Variants in ANK3 observed in about 807,000 individuals in gnomAD.
ANK3 encodes the protein ankyrin 3, also known as ankyrin-3.
In ANK3, 57 loss-of-function variants were observed where a neutral mutation model predicts 370.9. That is an observed-to-expected ratio of 0.15 (90% confidence interval 0.12 to 0.19). The LOEUF is 0.19. Ranked by LOEUF, ANK3 falls within the 10% of genes least tolerant of loss-of-function variation. The pLI is 1.00. For synonymous variants in ANK3, 1,929 were observed against 1,946.3 expected (o/e 0.99, Z 0.23); for missense variants, 4,439 against 5,302.1 (o/e 0.84, Z 5.06).
chr10:60,310,330 C>T (rs192243283), intron 1 of ANK3, among the ~76,000 whole-genome samples: 196 of 152,278 alleles, frequency 1.3e-3, no homozygotes, highest in Admixed American at 3.3e-3. Flanking sequence ...AATTGCAGTG[C>T]TTTTATTCCA....
At chr10:60,655,065 C>T (rs189586657) in intron 1 of ANK3, among the ~76,000 whole-genome samples, 103 of 152,260 alleles carry the variant, frequency 6.8e-4, no homozygotes, top group Non-Finnish European at 5.7e-4. Context: ...AGCTACTGTG[C>T]TGCCAGTCAT....
intron 1 of ANK3, among the ~76,000 whole-genome samples, chr10:60,287,923 T>C (rs963894051): frequency 1.3e-5 from 2 of 152,162 alleles, no homozygotes; most frequent in African/African-American, 4.8e-5. Context: ...TTATACCATA[T>C]CTCATTTGTT....
intron 1 of ANK3, among the ~76,000 whole-genome samples, chr10:60,691,772 T>A (rs954510292): frequency 1.2e-4 from 19 of 152,218 alleles, no homozygotes; most frequent in Admixed American, 9.8e-4. Flanking sequence ...CCCTGGGCTT[T>A]CACCTGCTCT....
chr10:60,582,279 T>G (rs4948262), intron 2 of ANK3, among the ~76,000 whole-genome samples: 143,612 of 152,062 alleles, frequency 0.94, 67,799 homozygotes, highest in East Asian at 0.98. Flanking sequence ...ATAATAATAA[T>G]AAGAAGAAAA....
At chr10:60,610,623 A>G (rs1433160070) in intron 2 of ANK3, among the ~76,000 whole-genome samples, 1 of 151,772 alleles carries the variant, frequency 6.6e-6, no homozygotes, top group Non-Finnish European at 1.5e-5. Context: ...CCCAAACTTG[A>G]AGAGATCACT....
At chr10:60,446,171 T>A (rs1263344474) in intron 2 of ANK3, among the ~76,000 whole-genome samples, 1 of 152,186 alleles carries the variant, frequency 6.6e-6, no homozygotes, top group Non-Finnish European at 1.5e-5. Flanking sequence ...GGATTTTGTC[T>A]TTCTCAACCA....
At chr10:60,518,604 C>A (rs552015105) in intron 2 of ANK3, among the ~76,000 whole-genome samples, 1 of 152,106 alleles carries the variant, frequency 6.6e-6, no homozygotes, top group Non-Finnish European at 1.5e-5. Context: ...TACTCAGAAG[C>A]GTAGCTGACT....
At chr10:60,299,130 C>G (rs1265661717) in intron 1 of ANK3, among the ~76,000 whole-genome samples, 1 of 152,108 alleles carries the variant, frequency 6.6e-6, no homozygotes, top group East Asian at 1.9e-4. Flanking sequence ...AAAGATTACC[C>G]TTAAAAACTC....
intron 24 of ANK3, among the ~76,000 whole-genome samples, chr10:60,136,335 T>G (rs1384845679): frequency 6.6e-6 from 1 of 152,168 alleles, no homozygotes; most frequent in African/African-American, 2.4e-5. Flanking sequence ...TTAATTTAAG[T>G]AACTATAGGT....
intron 16 of ANK3, among the ~76,000 whole-genome samples, chr10:60,188,206 T>C (rs755537228): frequency 1.1e-4 from 17 of 152,200 alleles, no homozygotes; most frequent in Non-Finnish European, 2.1e-4. Flanking sequence ...GGCATCCTTT[T>C]CTTGGCTGAC....
chr10:60,060,089 C>T, intron 40 of ANK3: 1 of 1,063,126 alleles, frequency 9.4e-7, no homozygotes, highest in Non-Finnish European at 1.3e-6. Context: ...AAAATTATAT[C>T]AGGCATGAAA....
intron 2 of ANK3, among the ~76,000 whole-genome samples, chr10:60,520,050 A>G (rs1341700674): frequency 6.6e-6 from 1 of 152,146 alleles, no homozygotes; most frequent in Non-Finnish European, 1.5e-5. Flanking sequence ...AGGTCTGTTG[A>G]TGTAAAATTC....
intron 8 of ANK3, 74 bp downstream of exon 8, chr10:60,234,614 G>T: frequency 1.2e-6 from 1 of 857,854 alleles, no homozygotes; most frequent in Non-Finnish European, 2.0e-6. Flanking sequence ...TGTTGTATCA[G>T]TGCAAAGGTA....
rs114600733 is a variant in ANK3 at position 60,581,734 on chromosome 10, G to A, written c.96+33452C>T. 5.7e-3 allele frequency among the ~76,000 whole-genome samples: 861 copies of A among 152,058 alleles called. 10 individuals are homozygous for A. The highest frequency in any genetic ancestry group is 0.02 in the African/African-American group (810 of 41,482). ...ATTACAGGCATGAGCCACAGTGCCC[G>A]GCCATTTTGCCCATTTTTTAATCAG... On this transcript the variant is annotated intron_variant, in intron 2 of 43. Coordinates refer to the ANK3 transcript ENST00000373827.
At chr10:60,479,759 C>T (rs553761035) in intron 2 of ANK3, among the ~76,000 whole-genome samples, 2 of 152,052 alleles carry the variant, frequency 1.3e-5, no homozygotes, top group East Asian at 3.9e-4. Context: ...TCGAAATCAT[C>T]CTTCAAGGTT....
chr10:60,336,062 T>C (rs140526928), intron 1 of ANK3, among the ~76,000 whole-genome samples: 1,939 of 151,692 alleles, frequency 0.013, 38 homozygotes, highest in African/African-American at 0.044. Context: ...ACTGGTGCAT[T>C]ATTGAGAGGA....
chr10:60,064,072 T>C (rs996614527), intron 39 of ANK3, 85 bp downstream of exon 39: 1 of 1,276,788 alleles, frequency 7.8e-7, no homozygotes, highest in African/African-American at 1.5e-5. Context: ...ATTACAACAC[T>C]ACTTGGATGA....
chr10:60,074,184 C>A lies in ANK3; in HGVS notation c.6697G>T (p.Val2233Phe), dbSNP rs748148709. 2.7e-5 allele frequency: 43 copies of A among 1,614,098 alleles called. No individual in the cohort carries two copies. In the Admixed American group the frequency reaches 6.5e-4, roughly 24 times the overall value. ...ASSEEDDHNR[V>F]LSKGMRVKEE... ...TTAACACGCATGCCTTTGCTTAAAA[C>A]CCGATTGTGGTCATCTTCTTCACTA... The change falls in exon 37 of 44, where the codon GTT becomes TTT. Residue 2233 changes from valine (V) to phenylalanine (F), a missense_variant. By Grantham distance (50) the Val-to-Phe change is conservative. Transcript: ENST00000280772.
At chr10:60,581,418 C>CTTTTTTTTTTTTTTTTTTTTTTTTTTT (rs56317709) in intron 2 of ANK3, among the ~76,000 whole-genome samples, 1 of 123,486 alleles carries the variant, frequency 8.1e-6, no homozygotes, top group Non-Finnish European at 1.6e-5. Context: ...GTATTTTGCC[C>CTTTTTTTTTTTTTTTTTTTTTTTTTTT]TTTTTTTTTT....
Sources: allele counts gnomAD v4.1 joint callset (sites outside exome capture counted in the v4.1 genomes callset), GRCh38; gene constraint gnomAD v4.1.1; transcripts MANE v1.5; gene names NCBI Gene and HGNC (gene_info 2026-07-23, HGNC 2026-07-21).